The following SLC25A12 variants were observed in gnomAD, a reference collection of about 807,000 sequenced individuals.
SLC25A12 encodes the protein electrogenic aspartate/glutamate antiporter SLC25A12, mitochondrial.
Under a neutral mutation model 83.3 loss-of-function variants are expected in SLC25A12, and 32 were observed. The ratio of observed to expected loss-of-function variants is 0.38; its 90% CI spans 0.29 to 0.52. The LOEUF (loss-of-function observed/expected upper bound fraction) is 0.52, where lower values mean the gene tolerates loss of function less well. SLC25A12 is among the 20% of genes least tolerant of loss of function. The pLI is 0.84. For missense variants in SLC25A12, 611 were observed against 835.6 expected (o/e 0.73, Z 3.31); for synonymous variants, 267 against 291.1 (o/e 0.92, Z 0.84).
chr2:171,811,256 T>C (rs1015696352), intron 11 of SLC25A12, among the ~76,000 whole-genome samples: 2 of 152,186 alleles, frequency 1.3e-5, no homozygotes, highest in Admixed American at 1.3e-4. Flanking sequence ...CAAGTAATCA[T>C]ACATATAGGC....
At chr2:171,786,465 G>A (rs1361488158) in intron 17 of SLC25A12, among the ~76,000 whole-genome samples, 1 of 151,200 alleles carries the variant, frequency 6.6e-6, no homozygotes, top group Non-Finnish European at 1.5e-5. Flanking sequence ...GGAAAAGCCT[G>A]AAGCCTCACA....
chr2:171,785,500 G>T, intron 17 of SLC25A12, 25 bp from the exon 18 acceptor site: 1 of 1,609,534 alleles, frequency 6.2e-7, no homozygotes, highest in Non-Finnish European at 8.5e-7. Flanking sequence ...AAAGCCAATG[G>T]TTAGCATGCT....
At chr2:171,831,723 T>C (rs1414752093) in intron 8 of SLC25A12, among the ~76,000 whole-genome samples, 1 of 151,950 alleles carries the variant, frequency 6.6e-6, no homozygotes, top group Admixed American at 6.6e-5. Context: ...CTGGCCAACA[T>C]GGCTGTCGCT....
At chr2:171,852,541 G>A (rs923718074) in intron 4 of SLC25A12, 2 of 329,126 alleles carry the variant, frequency 6.1e-6, no homozygotes, top group Non-Finnish European at 1.2e-5. Context: ...GAAAACAGAA[G>A]GCCATTTGGT....
chr2:171,817,624 T>C lies in SLC25A12; in HGVS notation c.931-2422A>G, dbSNP rs76466581. 6.3e-3 allele frequency among the ~76,000 whole-genome samples: 409 copies of C among 65,294 alleles called. 1 individual carries two copies. Among genetic ancestry groups the C allele is most frequent in the Non-Finnish European group, 7.8e-3 (214 of 27,392 alleles). The allele number at this position is 65,294 out of a possible 152,430, so 42.8% of individuals were successfully genotyped here. On this transcript the variant is annotated intron_variant, in intron 9 of 17. Transcript: ENST00000422440. ...TCAAAAAAAAAAAAAAAAAAAAAAA[T>C]GTATGTAGAATGTTATTTCCCCCAC... is the stretch of plus-strand genomic sequence containing the variant.
chr2:171,825,128 C>A (rs1048225680), intron 9 of SLC25A12, among the ~76,000 whole-genome samples: 2 of 152,120 alleles, frequency 1.3e-5, no homozygotes, highest in African/African-American at 2.4e-5. Context: ...ACTTTGATGG[C>A]AGCAGATAAA....
At chr2:171,816,729 T>C (rs1684057371) in intron 9 of SLC25A12, among the ~76,000 whole-genome samples, 4 of 152,216 alleles carry the variant, frequency 2.6e-5, no homozygotes, top group Non-Finnish European at 5.9e-5. Flanking sequence ...GTTTCTAAAA[T>C]GTTGATTAAC....
intron 4 of SLC25A12, among the ~76,000 whole-genome samples, chr2:171,849,558 C>CTTT (rs72304626): frequency 1.2e-3 from 142 of 114,532 alleles, no homozygotes; most frequent in Middle Eastern, 4.9e-3. Context: ...GTGGTGTGAT[C>CTTT]TTTTTTTTTT....
chr2:171,845,374 G>A (rs1684772023), intron 4 of SLC25A12, among the ~76,000 whole-genome samples: 1 of 150,892 alleles, frequency 6.6e-6, no homozygotes, highest in Admixed American at 6.6e-5. Context: ...TAATTTAGAA[G>A]CTCATGCCAA....
chr2:171,834,945 A>G, intron 6 of SLC25A12, 80 bp from the exon 7 acceptor site: 1 of 1,437,544 alleles, frequency 7.0e-7, no homozygotes, highest in Non-Finnish European at 9.6e-7. Context: ...TTTCTCAAAG[A>G]GGATCCAAAG....
At chr2:171,874,419 A>G (rs1032090044) in intron 2 of SLC25A12, among the ~76,000 whole-genome samples, 4 of 152,144 alleles carry the variant, frequency 2.6e-5, no homozygotes, top group Admixed American at 2.6e-4. Flanking sequence ...AAAAGAAAAT[A>G]CTAGAAATGG....
chr2:171,817,663 A>G (rs1345618412), intron 9 of SLC25A12, among the ~76,000 whole-genome samples: 1 of 151,164 alleles, frequency 6.6e-6, no homozygotes, highest in Admixed American at 6.6e-5. Context: ...GAGTTTCTCA[A>G]TCACAAAACT....
chr2:171,810,739 T>G (rs921540723), intron 11 of SLC25A12, among the ~76,000 whole-genome samples: 1 of 152,056 alleles, frequency 6.6e-6, no homozygotes, highest in Admixed American at 6.6e-5. Context: ...ATACAGTGGC[T>G]TCGTTATTAT....
chr2:171,894,041 C>T (rs887904358), intron 1 of SLC25A12, among the ~76,000 whole-genome samples, 162 bp downstream of exon 1: 10 of 152,140 alleles, frequency 6.6e-5, no homozygotes, highest in Non-Finnish European at 1.2e-4. Flanking sequence ...TCCCCTCCTC[C>T]GGTCCAAGCC....
chr2:171,872,835 A>G (rs925966218), intron 2 of SLC25A12, among the ~76,000 whole-genome samples: 1 of 152,228 alleles, frequency 6.6e-6, no homozygotes, highest in African/African-American at 2.4e-5. Flanking sequence ...ATCTAATGTG[A>G]ACAAAGTTGA....
At position 171,791,462 on chromosome 2, in the gene SLC25A12, C is replaced by T. The variant is rs1683455587; in HGVS notation, c.1574G>A (p.Gly525Glu). The stretch of plus-strand genomic sequence containing the variant: ...AAATTTGTAGTTACCTGCCATGGCT[C>T]CAGCTGCAAGAAGATTTAAACCTCC... ...HVGGLNLLAA[G>E]AMAGVPAASL... Residue 525 changes from glycine to glutamate, a missense_variant, in exon 15 of 18, where the codon GGA becomes GAA. By Grantham distance (98) the Gly-to-Glu change is moderately conservative. Transcript: ENST00000422440. The T allele has an allele frequency of 6.2e-7, 1 of 1,613,954 alleles. No homozygotes were observed. The highest frequency in any genetic ancestry group is 1.3e-5 in the African/African-American group (1 of 74,988).
At chr2:171,862,817 C>T (rs780602447) in intron 3 of SLC25A12, among the ~76,000 whole-genome samples, 1 of 152,158 alleles carries the variant, frequency 6.6e-6, no homozygotes, top group Non-Finnish European at 1.5e-5. Flanking sequence ...CAGGAAACAA[C>T]GTACCAAGTA....
At chr2:171,867,011 G>A (rs1302388244) in intron 3 of SLC25A12, among the ~76,000 whole-genome samples, 19 of 150,610 alleles carry the variant, frequency 1.3e-4, no homozygotes, top group African/African-American at 4.6e-4. Flanking sequence ...CGGCTGGGCA[G>A]AGGCGCTCCT....
At chr2:171,873,058 T>C (rs768236948) in intron 2 of SLC25A12, among the ~76,000 whole-genome samples, 4 of 152,320 alleles carry the variant, frequency 2.6e-5, no homozygotes, top group Non-Finnish European at 5.9e-5. Flanking sequence ...AGGAGAGACA[T>C]ACCTGATCTG....
Sources: gnomAD v4.1 joint callset for allele counts (sites outside exome capture counted in the v4.1 genomes callset) on GRCh38, gnomAD v4.1.1 for gene constraint, MANE v1.5 for transcripts, NCBI Gene and HGNC (gene_info 2026-07-23, HGNC 2026-07-21) for gene names.